Variants in TTC29 observed in about 807,000 individuals in gnomAD.
TTC29 encodes tetratricopeptide repeat domain 29, also known as tetratricopeptide repeat protein 29.
Under a neutral mutation model 58.1 loss-of-function variants are expected in TTC29, and 49 were observed. The observed-to-expected ratio is 0.84, with a 90% CI of 0.67 to 1.07. TTC29 has a LOEUF of 1.07. Ranked by LOEUF, TTC29 falls within the 50% of genes least tolerant of loss-of-function variation. The pLI, the probability that TTC29 is intolerant of heterozygous loss-of-function variation, is 0.00. For synonymous variants in TTC29, 209 were observed against 196.8 expected (o/e 1.06, Z -0.52); for missense variants, 582 against 555.6 (o/e 1.05, Z -0.48).
At chr4:146,826,055 C>T (rs530305733) in intron 9 of TTC29, among the ~76,000 whole-genome samples, 70 of 152,044 alleles carry the variant, frequency 4.6e-4, no homozygotes, top group Non-Finnish European at 1.0e-4. Context: ...GGTCTTGACT[C>T]CTTATCCAAT....
Position 146,945,788 on chromosome 4 carries a change from C to T in TTC29, c.-133G>A, listed in dbSNP as rs1159901585. The stretch of plus-strand genomic sequence containing the variant: ...TCCCCCACCGGCGGCAGGTGCTGGG[C>T]GTTGGCGCTGCCCCCTCCTCTCTCA... On this transcript the variant is annotated 5_prime_UTR_variant, in exon 1 of 13. Transcript: ENST00000325106. 2 of 152,464 alleles carry T rather than the reference C, an allele frequency of 1.3e-5. No individual in the cohort carries two copies. Among genetic ancestry groups the T allele is most frequent in the East Asian group, 1.9e-4 (1 of 5,214 alleles). The allele number at this position is 152,464 out of a possible 1,614,324, so 9.4% of individuals were successfully genotyped here.
chr4:146,807,439 A>G (rs557260703), intron 10 of TTC29, among the ~76,000 whole-genome samples: 11 of 152,302 alleles, frequency 7.2e-5, no homozygotes, highest in Non-Finnish European at 1.5e-4. Context: ...CAAAAAATCA[A>G]TGAATCCAGG....
rs1442527509 is a variant in TTC29, at chr4:146,833,902, C to G, written c.886-5G>C. ...TTTACAGTAAGTGTCAAGGACCTAT[C>G]AGGAAGAGAAATACATATTGAACAT... On this transcript the variant is annotated splice_polypyrimidine_tract_variant and splice_region_variant and intron_variant, in intron 8 of 12. Transcript: ENST00000325106. 1.2e-6 allele frequency: 2 copies of G among 1,604,632 alleles called. No homozygotes were observed.
At chr4:146,846,836 T>C (rs28580720) in intron 8 of TTC29, among the ~76,000 whole-genome samples, 9,060 of 152,286 alleles carry the variant, frequency 0.059, 436 homozygotes, top group East Asian at 0.13. Context: ...TAAAATTTCA[T>C]TGTAGTTTCC....
At chr4:146,730,561 G>T (rs939610439) in intron 11 of TTC29, among the ~76,000 whole-genome samples, 1 of 152,140 alleles carries the variant, frequency 6.6e-6, no homozygotes, top group African/African-American at 2.4e-5. Context: ...AACAGTTAAG[G>T]TTCAAGCAAA....
chr4:146,710,509 G>A (rs1742409676), intron 11 of TTC29, among the ~76,000 whole-genome samples: 1 of 152,110 alleles, frequency 6.6e-6, no homozygotes, highest in Admixed American at 6.6e-5. Flanking sequence ...GGGTCTGAGT[G>A]TTAGACATTG....
intron 4 of TTC29, among the ~76,000 whole-genome samples, chr4:146,920,532 TA>T (rs1433108066): frequency 2.6e-5 from 4 of 151,164 alleles, no homozygotes; most frequent in South Asian, 4.1e-4. Flanking sequence ...TAATGGAAGA[TA>T]GTGTAGGGGT....
At chr4:146,730,854 A>G (rs1489215207) in intron 11 of TTC29, among the ~76,000 whole-genome samples, 2 of 152,204 alleles carry the variant, frequency 1.3e-5, no homozygotes, top group African/African-American at 2.4e-5. Context: ...GAAGGGAGGA[A>G]TTAGACAAAC....
chr4:146,919,843 G>A (rs1734468293), intron 4 of TTC29, among the ~76,000 whole-genome samples: 1 of 150,936 alleles, frequency 6.6e-6, no homozygotes, highest in Non-Finnish European at 1.5e-5. Context: ...ATGAAAAGCT[G>A]GAGAATATAA....
intron 11 of TTC29, among the ~76,000 whole-genome samples, chr4:146,788,901 T>A (rs1162309751): frequency 6.6e-6 from 1 of 152,034 alleles, no homozygotes; most frequent in East Asian, 1.9e-4. Context: ...AAGTGACAAG[T>A]ATTGATAGAG....
chr4:146,810,362 C>T (rs1236624411), intron 10 of TTC29, among the ~76,000 whole-genome samples: 1 of 151,966 alleles, frequency 6.6e-6, no homozygotes, highest in African/African-American at 2.4e-5. Flanking sequence ...ATGTAACAAA[C>T]CTGTATGTTC....
intron 11 of TTC29, among the ~76,000 whole-genome samples, chr4:146,716,951 A>G (rs1039136685): frequency 6.6e-6 from 1 of 152,212 alleles, no homozygotes; most frequent in African/African-American, 2.4e-5. Flanking sequence ...TCTCCAAACC[A>G]GGAGCATTAA....
chr4:146,792,376 A>C (rs1220483601), intron 11 of TTC29, among the ~76,000 whole-genome samples: 3 of 152,240 alleles, frequency 2.0e-5, no homozygotes, highest in Non-Finnish European at 2.9e-5. Flanking sequence ...CAAAGACTGG[A>C]TAACATCAAG....
At chr4:146,877,443 CT>C (rs1731342799) in intron 6 of TTC29, among the ~76,000 whole-genome samples, 1 of 152,112 alleles carries the variant, frequency 6.6e-6, no homozygotes, top group South Asian at 2.1e-4. Context: ...TCTAATCTAT[CT>C]TTACTTTTAG....
intron 6 of TTC29, among the ~76,000 whole-genome samples, chr4:146,892,596 T>C (rs1461339626): frequency 6.6e-6 from 1 of 152,134 alleles, no homozygotes; most frequent in East Asian, 1.9e-4. Context: ...GGGCAAAAAC[T>C]GGAAGCATTC....
At chr4:146,853,397 A>G (rs1270713653) in intron 8 of TTC29, among the ~76,000 whole-genome samples, 1 of 152,144 alleles carries the variant, frequency 6.6e-6, no homozygotes, top group Non-Finnish European at 1.5e-5. Context: ...TTTGTTCAAC[A>G]TATCAGTAAT....
At chr4:146,826,748 T>C (rs1727826096) in intron 9 of TTC29, among the ~76,000 whole-genome samples, 1 of 152,134 alleles carries the variant, frequency 6.6e-6, no homozygotes, top group Admixed American at 6.5e-5. Flanking sequence ...GGTACTCCAA[T>C]CATTTGTAGG....
At chr4:146,819,423 T>A (rs1010932440) in intron 10 of TTC29, among the ~76,000 whole-genome samples, 9 of 152,162 alleles carry the variant, frequency 5.9e-5, no homozygotes, top group Admixed American at 5.2e-4. Flanking sequence ...AAATGATGGA[T>A]CTTATTCATG....
chr4:146,808,695 T>C (rs1750799519), intron 10 of TTC29, among the ~76,000 whole-genome samples: 1 of 152,168 alleles, frequency 6.6e-6, no homozygotes, highest in Non-Finnish European at 1.5e-5. Context: ...GAAGGACCTC[T>C]TCAAGGAGAA....
Sources: allele counts gnomAD v4.1 joint callset (sites outside exome capture counted in the v4.1 genomes callset), GRCh38; gene constraint gnomAD v4.1.1; transcripts MANE v1.5; gene names NCBI Gene and HGNC (gene_info 2026-07-23, HGNC 2026-07-21).